RANBP17: variants seen among roughly 807,000 people sequenced by gnomAD.
RANBP17 encodes the protein ran-binding protein 17.
RANBP17 carries 158 observed loss-of-function variants against 141.2 expected under a neutral mutation model. The observed-to-expected ratio is 1.12, with a 90% CI of 0.98 to 1.28. RANBP17 has a LOEUF of 1.28. Among genes scored for constraint, RANBP17 ranks in the 50% most tolerant of loss-of-function variants. RANBP17 has a pLI of 0.00. For missense variants in RANBP17, 1,438 were observed against 1,290.7 expected (o/e 1.11, Z -1.75); for synonymous variants, 430 against 450.0 (o/e 0.96, Z 0.56).
intron 14 of RANBP17, among the ~76,000 whole-genome samples, chr5:171,165,901 A>G (rs1759659814): frequency 6.6e-6 from 1 of 152,174 alleles, no homozygotes; most frequent in Admixed American, 6.5e-5. Flanking sequence ...TAAAATGACA[A>G]CATTTTACCA....
chr5:170,931,048 T>A (rs1368893251), intron 12 of RANBP17, among the ~76,000 whole-genome samples: 1 of 152,220 alleles, frequency 6.6e-6, no homozygotes, highest in Non-Finnish European at 1.5e-5. Flanking sequence ...GCGTTCCTAT[T>A]TCTCCACATC....
intron 24 of RANBP17, chr5:171,252,796 A>G (rs1765656839): frequency 4.1e-6 from 5 of 1,214,858 alleles, no homozygotes; most frequent in Non-Finnish European, 6.1e-6. Flanking sequence ...GTGCAGCCTC[A>G]TTGTCAGCAT....
chr5:171,088,706 G>A (rs144907140), intron 14 of RANBP17, among the ~76,000 whole-genome samples: 104,671 of 151,752 alleles, frequency 0.69, 36,679 homozygotes, highest in South Asian at 0.91. Flanking sequence ...GCTTGATTTC[G>A]TTCATTTCAT....
intron 14 of RANBP17, among the ~76,000 whole-genome samples, chr5:170,978,057 C>T (rs1179699139): frequency 6.6e-6 from 1 of 151,926 alleles, no homozygotes; most frequent in Admixed American, 6.6e-5. Context: ...AAGATTTCAA[C>T]AAGCACTGAA....
At chr5:171,166,847 A>G (rs1178191680) in intron 14 of RANBP17, among the ~76,000 whole-genome samples, 1 of 152,216 alleles carries the variant, frequency 6.6e-6, no homozygotes, top group Non-Finnish European at 1.5e-5. Flanking sequence ...CATGAAAACA[A>G]ATCAGATTGT....
Position 170,924,388 on chromosome 5 carries a change from G to C in RANBP17, c.1306G>C (p.Ala436Pro). 1 of 1,603,712 alleles carries C rather than the reference G, an allele frequency of 6.2e-7. No individual in the cohort carries two copies. Among genetic ancestry groups the C allele is most frequent in the East Asian group, 2.2e-5 (1 of 44,646 alleles). ...CTTAGATGATCCACTGGATGATACTGCCACTGTGTTTCAGCAGTTGGAGCA... is the reference window on the plus strand; with the variant it reads ...CTTAGATGATCCACTGGATGATACTCCCACTGTGTTTCAGCAGTTGGAGCA... ...DHLDDPLDDT[A>P]TVFQQLEQLC... The change falls in exon 12 of 28, where the codon GCC (alanine) becomes CCC (proline). Residue 436 changes from alanine (A) to proline (P), a missense_variant. Physicochemically the swap from Ala to Pro is conservative, Grantham distance 27. Transcript: ENST00000523189.
intron 14 of RANBP17, among the ~76,000 whole-genome samples, chr5:171,053,915 AT>A (rs1561596611): frequency 6.1e-5 from 5 of 81,372 alleles, no homozygotes; most frequent in East Asian, 9.9e-4. Context: ...ATATATATAT[AT>A]ATATATATAA....
In RANBP17 at chr5:170,966,322, C is replaced by G. The variant is rs577988355; in HGVS notation, c.1575-1920C>G. Among the ~76,000 whole-genome samples the G allele has an allele frequency of 3.0e-3, 464 of 152,180 alleles. 2 individuals carry two copies. Among genetic ancestry groups the G allele is most frequent in the Non-Finnish European group, 5.7e-3 (386 of 67,990 alleles). On this transcript the variant is annotated intron_variant, in intron 13 of 27. Coordinates refer to ENST00000523189, the MANE Select transcript of RANBP17 (RefSeq NM_022897.5). ...AAATACTGGCAAACGAAATCCAGTA[C>G]CACATCAAAAAGCTTATCCACCATG...
At chr5:171,058,878 A>C (rs1232524429) in intron 14 of RANBP17, among the ~76,000 whole-genome samples, 2 of 149,902 alleles carry the variant, frequency 1.3e-5, no homozygotes, top group African/African-American at 2.4e-5. Context: ...ATGGTATCTC[A>C]TTGTGGTTTT....
intron 14 of RANBP17, among the ~76,000 whole-genome samples, chr5:171,139,673 C>G (rs2127805616): frequency 6.6e-6 from 1 of 152,274 alleles, no homozygotes; most frequent in Admixed American, 6.5e-5. Context: ...TAGCCCAACT[C>G]CAAGCGACCG....
intron 14 of RANBP17, among the ~76,000 whole-genome samples, chr5:171,063,444 G>C (rs1784058801): frequency 6.6e-6 from 1 of 152,212 alleles, no homozygotes; most frequent in Non-Finnish European, 1.5e-5. Flanking sequence ...CTGCTTGCCT[G>C]GGTATCAGCA....
At chr5:170,964,043 G>A (rs964916043) in intron 13 of RANBP17, among the ~76,000 whole-genome samples, 1 of 152,058 alleles carries the variant, frequency 6.6e-6, no homozygotes, top group Non-Finnish European at 1.5e-5. Flanking sequence ...CCGAGATGCC[G>A]TTTTTCAACT....
At chr5:171,139,450 T>C (rs1178241739) in intron 14 of RANBP17, among the ~76,000 whole-genome samples, 1 of 152,206 alleles carries the variant, frequency 6.6e-6, no homozygotes, top group Admixed American at 6.5e-5. Context: ...GAATCCTCAG[T>C]GCTTGGCCCA....
chr5:170,889,272 CT>C (rs1769410664), intron 3 of RANBP17, among the ~76,000 whole-genome samples: 1 of 152,052 alleles, frequency 6.6e-6, no homozygotes, highest in East Asian at 1.9e-4. Context: ...TGTATCGTCT[CT>C]TTCCTTTCCC....
chr5:170,912,922 TAGAATAGTA>T (rs1261398244), intron 7 of RANBP17, among the ~76,000 whole-genome samples: 7 of 151,962 alleles, frequency 4.6e-5, no homozygotes, highest in Admixed American at 3.3e-4. Context: ...CATGACATTT[TAGAATAGTA>T]AGGATAAAGA....
intron 25 of RANBP17, among the ~76,000 whole-genome samples, chr5:171,275,411 A>G (rs1479193393): frequency 6.6e-6 from 1 of 152,226 alleles, no homozygotes; most frequent in Non-Finnish European, 1.5e-5. Context: ...GAAATGGTAC[A>G]GTGTGCTTCA....
At chr5:170,958,546 A>G (rs1230681958) in intron 13 of RANBP17, among the ~76,000 whole-genome samples, 3 of 152,160 alleles carry the variant, frequency 2.0e-5, no homozygotes, top group African/African-American at 7.2e-5. Flanking sequence ...CTAAACTAAG[A>G]ATGATGTCTT....
intron 13 of RANBP17, among the ~76,000 whole-genome samples, chr5:170,968,034 GA>G (rs897788545): frequency 6.6e-6 from 1 of 151,426 alleles, no homozygotes; most frequent in Non-Finnish European, 1.5e-5. Context: ...TATGTCTTAG[GA>G]AAAAAAGGCT....
At chr5:170,956,848 G>A (rs1775741991) in intron 13 of RANBP17, among the ~76,000 whole-genome samples, 2 of 151,734 alleles carry the variant, frequency 1.3e-5, no homozygotes, top group Non-Finnish European at 1.5e-5. Context: ...AAGGTGGGCG[G>A]ATCACGAGGT....
Sources: gnomAD v4.1 joint callset for allele counts (sites outside exome capture counted in the v4.1 genomes callset) on GRCh38, gnomAD v4.1.1 for gene constraint, MANE v1.5 for transcripts, NCBI Gene and HGNC (gene_info 2026-07-23, HGNC 2026-07-21) for gene names.